Variants in FAM13A observed in about 807,000 individuals in gnomAD.
FAM13A encodes protein FAM13A.
FAM13A carries 76 observed loss-of-function variants against 129.6 expected under a neutral mutation model. The observed-to-expected ratio is 0.59, with a 90% CI of 0.49 to 0.71. The LOEUF is 0.71. Ranked by LOEUF, FAM13A falls within the 30% of genes least tolerant of loss-of-function variation. FAM13A has a pLI of 0.00. For missense variants in FAM13A, 1,108 were observed against 1,249.3 expected, an observed-to-expected ratio of 0.89 and a Z score of 1.70; for synonymous variants, 443 against 449.9, an observed-to-expected ratio of 0.98 and a Z score of 0.20.
intron 2 of FAM13A, among the ~76,000 whole-genome samples, chr4:89,026,769 G>A (rs1260115207): frequency 6.6e-6 from 1 of 152,148 alleles, no homozygotes; most frequent in Non-Finnish European, 1.5e-5. Flanking sequence ...GGGATTGGGG[G>A]ATTATAATTC....
At chr4:88,802,839 G>A (rs1378293751) in intron 8 of FAM13A, among the ~76,000 whole-genome samples, 1 of 152,088 alleles carries the variant, frequency 6.6e-6, no homozygotes, top group Non-Finnish European at 1.5e-5. Context: ...CCAGTAGCAG[G>A]ATTCCCATGT....
At chr4:88,801,905 C>G (rs1727542221) in intron 8 of FAM13A, among the ~76,000 whole-genome samples, 1 of 151,868 alleles carries the variant, frequency 6.6e-6, no homozygotes, top group African/African-American at 2.4e-5. Context: ...AAACCAAACA[C>G]TGAAATCCGA....
chr4:88,867,178 C>A (rs1002241455), intron 6 of FAM13A, among the ~76,000 whole-genome samples: 7 of 152,142 alleles, frequency 4.6e-5, no homozygotes, highest in African/African-American at 1.7e-4. Flanking sequence ...TGTTTAAATA[C>A]ACCTTATTTA....
At chr4:88,737,017 A>T (rs544921200) in intron 21 of FAM13A, among the ~76,000 whole-genome samples, 1 of 152,304 alleles carries the variant, frequency 6.6e-6, no homozygotes. Flanking sequence ...ATATGTTTAT[A>T]TATATATTTC....
chr4:88,733,261 T>A (rs1364824838), intron 21 of FAM13A, among the ~76,000 whole-genome samples: 1 of 152,144 alleles, frequency 6.6e-6, no homozygotes, highest in East Asian at 1.9e-4. Flanking sequence ...AGAAATAATG[T>A]GAATAAACAA....
intron 1 of FAM13A, among the ~76,000 whole-genome samples, chr4:89,045,430 T>A (rs376500012): frequency 1.4e-4 from 21 of 152,058 alleles, no homozygotes; most frequent in African/African-American, 5.1e-4. Flanking sequence ...CTCTTTGGAA[T>A]CCCCAATGAA....
intron 4 of FAM13A, among the ~76,000 whole-genome samples, chr4:88,961,347 C>CCTTTTTTTTTTTT (rs1758576746): frequency 3.6e-5 from 2 of 55,424 alleles, no homozygotes; most frequent in Non-Finnish European, 6.8e-5. Flanking sequence ...TGGAATTTGC[C>CCTTTTTTTTTTTT]TTTTTTTTTT....
intron 1 of FAM13A, among the ~76,000 whole-genome samples, chr4:89,047,693 G>A (rs571974815): frequency 2.2e-3 from 332 of 152,184 alleles, no homozygotes; most frequent in African/African-American, 7.8e-3. Flanking sequence ...GGGAACCAGC[G>A]GTGAAAACTA....
chr4:88,771,867 T>G (rs1348803124), intron 11 of FAM13A, among the ~76,000 whole-genome samples: 3 of 152,314 alleles, frequency 2.0e-5, no homozygotes, highest in South Asian at 2.1e-4. Context: ...AGGAACTAAA[T>G]TTTAAAAACC....
intron 10 of FAM13A, among the ~76,000 whole-genome samples, chr4:88,782,779 T>C (rs1030992450): frequency 6.6e-6 from 1 of 152,162 alleles, no homozygotes; most frequent in African/African-American, 2.4e-5. Flanking sequence ...GAGAAGATGA[T>C]AGGGACTAAA....
Position 88,865,878 on chromosome 4 carries a change from CTTTTT to C in FAM13A, c.844-14700_844-14696del, listed in dbSNP as rs34865210. Among the ~76,000 whole-genome samples, 46 of 83,216 alleles carry C rather than the reference CTTTTT, an allele frequency of 5.5e-4. 1 individual carries two copies. In the South Asian group the frequency reaches 0.01, roughly 19 times the overall value. The allele number at this position is 83,216 out of a possible 152,430, so 54.6% of individuals were successfully genotyped here. ...TTTCAACTTTTTCCTTTGTCTCTCT[CTTTTT>C]TTTTTTTTTTTTTTTTTTTTTTTTG... On this transcript the variant is annotated intron_variant, in intron 6 of 23. Coordinates refer to ENST00000264344, the MANE Select transcript of FAM13A (RefSeq NM_014883.4).
chr4:88,800,280 A>C (rs568692303), intron 8 of FAM13A, among the ~76,000 whole-genome samples: 1 of 152,244 alleles, frequency 6.6e-6, no homozygotes, highest in Non-Finnish European at 1.5e-5. Flanking sequence ...TGAACTGTAC[A>C]TTTAAAAATG....
At chr4:88,961,646 C>T (rs866822729) in intron 4 of FAM13A, among the ~76,000 whole-genome samples, 14 of 152,122 alleles carry the variant, frequency 9.2e-5, no homozygotes, top group Admixed American at 2.0e-4. Context: ...GGATTACACG[C>T]GTGAGCCACC....
At chr4:88,974,177 C>T (rs776815135) in intron 4 of FAM13A, among the ~76,000 whole-genome samples, 1 of 152,036 alleles carries the variant, frequency 6.6e-6, no homozygotes, top group Non-Finnish European at 1.5e-5. Context: ...ACTCAGTGGC[C>T]CTAGAGTTAA....
intron 1 of FAM13A, among the ~76,000 whole-genome samples, chr4:89,051,509 G>A (rs759022044): frequency 2.0e-5 from 3 of 152,026 alleles, no homozygotes; most frequent in African/African-American, 4.8e-5. Flanking sequence ...TATCCTTTTC[G>A]CATGCAAAAT....
intron 6 of FAM13A, among the ~76,000 whole-genome samples, chr4:88,864,103 A>G (rs933722021): frequency 6.6e-6 from 1 of 152,240 alleles, no homozygotes; most frequent in Non-Finnish European, 1.5e-5. Flanking sequence ...AATATATTAG[A>G]ATCTAGATAT....
intron 21 of FAM13A, chr4:88,736,671 A>AGAGGC (rs1453299922): frequency 1.3e-5 from 2 of 152,238 alleles, no homozygotes. Flanking sequence ...AAAACATGAA[A>AGAGGC]GAGGCTGATC....
intron 4 of FAM13A, among the ~76,000 whole-genome samples, chr4:88,975,667 G>A (rs890247418): frequency 2.6e-5 from 4 of 152,242 alleles, no homozygotes; most frequent in Non-Finnish European, 2.9e-5. Context: ...GCCAAAATCC[G>A]AATTTGCTTT....
chr4:89,053,967 T>G (rs746028122), intron 1 of FAM13A, among the ~76,000 whole-genome samples: 1 of 152,074 alleles, frequency 6.6e-6, no homozygotes, highest in Non-Finnish European at 1.5e-5. Context: ...CATTTAAAAT[T>G]AGAAGAGACT....
Sources: allele counts gnomAD v4.1 joint callset (sites outside exome capture counted in the v4.1 genomes callset), GRCh38; gene constraint gnomAD v4.1.1; transcripts MANE v1.5; gene names NCBI Gene and HGNC (gene_info 2026-07-23, HGNC 2026-07-21).